CDKAL1: variants seen among roughly 807,000 people sequenced by gnomAD.
The protein encoded by CDKAL1 is threonylcarbamoyladenosine tRNA methylthiotransferase.
In CDKAL1, 32 loss-of-function variants were observed where a neutral mutation model predicts 68.2. The ratio of observed to expected loss-of-function variants is 0.47; its 90% CI spans 0.35 to 0.63. The LOEUF (loss-of-function observed/expected upper bound fraction) is 0.63. CDKAL1 is among the 30% of genes least tolerant of loss of function. The probability of loss-of-function intolerance (pLI) is 0.00; values close to 1 mark genes in which losing one functional copy is unlikely to be tolerated. For missense variants in CDKAL1, 606 were observed against 696.7 expected, an observed-to-expected ratio of 0.87 and a Z score of 1.47; for synonymous variants, 234 against 244.3, an observed-to-expected ratio of 0.96 and a Z score of 0.39.
intron 13 of CDKAL1, among the ~76,000 whole-genome samples, chr6:21,152,550 T>C (rs1489219781): frequency 6.6e-6 from 1 of 152,212 alleles, no homozygotes; most frequent in African/African-American, 2.4e-5. Context: ...CAAATTCAGG[T>C]GACACAATGA....
At chr6:21,142,786 C>T (rs954444972) in intron 13 of CDKAL1, among the ~76,000 whole-genome samples, 5 of 152,258 alleles carry the variant, frequency 3.3e-5, no homozygotes, top group South Asian at 4.1e-4. Context: ...AGCAAGGCAA[C>T]GTTACTTTTA....
chr6:20,761,076 C>A (rs555659329), intron 7 of CDKAL1, among the ~76,000 whole-genome samples: 8 of 152,220 alleles, frequency 5.3e-5, no homozygotes, highest in African/African-American at 1.7e-4. Context: ...AAAGGAACAA[C>A]CCAGTTAAAA....
intron 9 of CDKAL1, among the ~76,000 whole-genome samples, chr6:20,859,242 C>A (rs2150519679): frequency 6.6e-6 from 1 of 151,470 alleles, no homozygotes; most frequent in African/African-American, 2.4e-5. Flanking sequence ...GTGTTCGCTG[C>A]ACTCCAGCCT....
intron 4 of CDKAL1, among the ~76,000 whole-genome samples, chr6:20,575,945 G>A (rs34538343): frequency 0.032 from 4,857 of 152,250 alleles, 115 homozygotes; most frequent in Middle Eastern, 0.092. Flanking sequence ...AGAGGAGGAG[G>A]TGTGTAAGGA....
At chr6:20,619,732 A>G (rs1028339126) in intron 4 of CDKAL1, among the ~76,000 whole-genome samples, 4 of 152,184 alleles carry the variant, frequency 2.6e-5, no homozygotes, top group African/African-American at 7.2e-5. Context: ...AATCTCATAC[A>G]TATTTGACTG....
At chr6:20,696,958 C>T (rs780517543) in intron 5 of CDKAL1, among the ~76,000 whole-genome samples, 3 of 152,096 alleles carry the variant, frequency 2.0e-5, no homozygotes, top group Non-Finnish European at 2.9e-5. Context: ...AAAAAAAATC[C>T]TATGTGTTGC....
chr6:20,693,465 C>T (rs1224318449), intron 5 of CDKAL1, among the ~76,000 whole-genome samples: 1 of 146,168 alleles, frequency 6.8e-6, no homozygotes, highest in Non-Finnish European at 1.5e-5. Flanking sequence ...TTTTTGTGTG[C>T]ATTTTATCAA....
intron 11 of CDKAL1, among the ~76,000 whole-genome samples, chr6:21,057,654 T>C (rs1314798743): frequency 7.0e-6 from 1 of 142,044 alleles, no homozygotes; most frequent in African/African-American, 2.7e-5. Context: ...GATCTGGGCA[T>C]TTAGTGCTAT....
chr6:20,591,042 C>T (rs914377258), intron 4 of CDKAL1, among the ~76,000 whole-genome samples: 20 of 152,068 alleles, frequency 1.3e-4, no homozygotes, highest in African/African-American at 4.8e-4. Context: ...TTTTAATGAT[C>T]GCCATTCTAA....
intron 9 of CDKAL1, among the ~76,000 whole-genome samples, chr6:20,866,231 A>C (rs559113778): frequency 1.3e-4 from 20 of 152,326 alleles, no homozygotes; most frequent in African/African-American, 4.8e-4. Flanking sequence ...AGAAAAAATA[A>C]AGTAAAAGCT....
intron 15 of CDKAL1, among the ~76,000 whole-genome samples, chr6:21,203,910 G>C (rs12196363): frequency 6.6e-6 from 1 of 152,042 alleles, no homozygotes; most frequent in Admixed American, 6.6e-5. Flanking sequence ...CAACAGATTA[G>C]AAGGGTGTTA....
At chr6:20,821,688 G>A (rs940983541) in intron 8 of CDKAL1, among the ~76,000 whole-genome samples, 1 of 152,088 alleles carries the variant, frequency 6.6e-6, no homozygotes, top group African/African-American at 2.4e-5. Context: ...CTGAATGTAT[G>A]GCTTAAGTGC....
At chr6:20,873,759 T>TA (rs1760344076) in intron 9 of CDKAL1, among the ~76,000 whole-genome samples, 1 of 152,222 alleles carries the variant, frequency 6.6e-6, no homozygotes, top group Non-Finnish European at 1.5e-5. Flanking sequence ...TTGTTTCATG[T>TA]TACAATTTTT....
intron 13 of CDKAL1, among the ~76,000 whole-genome samples, chr6:21,109,394 G>A (rs776652162): frequency 6.6e-6 from 1 of 152,172 alleles, no homozygotes; most frequent in Admixed American, 6.5e-5. Context: ...ACTTTCCTCA[G>A]TTGAAAATAC....
chr6:20,949,827 T>A (rs772102644), intron 9 of CDKAL1, among the ~76,000 whole-genome samples: 12 of 152,108 alleles, frequency 7.9e-5, no homozygotes, highest in Non-Finnish European at 1.6e-4. Flanking sequence ...TCTCATGCAG[T>A]CTCCCAGGCT....
At chr6:20,642,088 A>T (rs922653963) in intron 4 of CDKAL1, among the ~76,000 whole-genome samples, 1 of 152,136 alleles carries the variant, frequency 6.6e-6, no homozygotes, top group Non-Finnish European at 1.5e-5. Context: ...TTGCATTTTA[A>T]AATTATGCGA....
chr6:21,096,707 T>A (rs1016643493), intron 12 of CDKAL1, among the ~76,000 whole-genome samples: 6 of 152,182 alleles, frequency 3.9e-5, no homozygotes, highest in South Asian at 4.2e-4. Context: ...AAAAAATAAA[T>A]AAATAAATAA....
At chr6:20,971,808 A>C (rs145043828) in intron 10 of CDKAL1, among the ~76,000 whole-genome samples, 214 of 152,334 alleles carry the variant, frequency 1.4e-3, no homozygotes, top group Admixed American at 2.4e-3. Flanking sequence ...CATTTTGAAG[A>C]GTTTAAGCTG....
intron 5 of CDKAL1, among the ~76,000 whole-genome samples, chr6:20,656,488 T>G (rs566445750): frequency 3.2e-4 from 48 of 152,236 alleles, no homozygotes; most frequent in African/African-American, 1.1e-3. Flanking sequence ...AATGCTTTTT[T>G]TTTTTAATGA....
Sources: gnomAD v4.1 joint callset for allele counts (sites outside exome capture counted in the v4.1 genomes callset) on GRCh38, gnomAD v4.1.1 for gene constraint, MANE v1.5 for transcripts, NCBI Gene and HGNC (gene_info 2026-07-23, HGNC 2026-07-21) for gene names.